The following KHDRBS2 variants were observed in gnomAD, a reference collection of about 807,000 sequenced individuals.
KHDRBS2 encodes KH RNA binding domain containing, signal transduction associated 2, also known as KH domain-containing, RNA-binding, signal transduction-associated protein 2.
Under a neutral mutation model 44.3 loss-of-function variants are expected in KHDRBS2, and 26 were observed. The ratio of observed to expected loss-of-function variants is 0.59; its 90% CI spans 0.43 to 0.81. The LOEUF (loss-of-function observed/expected upper bound fraction) is 0.81. KHDRBS2 is among the 40% of genes least tolerant of loss of function. The pLI is 0.00. For missense variants in KHDRBS2, 476 were observed against 433.1 expected, an observed-to-expected ratio of 1.10 and a Z score of -0.88; for synonymous variants, 194 against 151.1, an observed-to-expected ratio of 1.28 and a Z score of -2.08.
chr6:61,612,839 C>CT, the KHDRBS2 span, among the ~76,000 whole-genome samples: 974 of 77,422 alleles, frequency 0.013, 87 homozygotes, highest in African/African-American at 0.027. Flanking sequence ...AAAATGCAGC[C>CT]TTTTTTTTTT....
the KHDRBS2 span, among the ~76,000 whole-genome samples, chr6:61,644,439 A>G: frequency 6.6e-6 from 1 of 152,324 alleles, no homozygotes; most frequent in South Asian, 2.1e-4. Flanking sequence ...TAGTAATAAA[A>G]GCAAGAATTG....
chr6:61,601,727 C>G, the KHDRBS2 span, among the ~76,000 whole-genome samples: 2 of 151,960 alleles, frequency 1.3e-5, no homozygotes, highest in Non-Finnish European at 2.9e-5. Flanking sequence ...TCTCACCTCT[C>G]CCCTCCTCCC....
intron 4 of KHDRBS2, among the ~76,000 whole-genome samples, chr6:61,933,795 C>A (rs566309143): frequency 5.9e-5 from 9 of 152,240 alleles, no homozygotes; most frequent in Admixed American, 2.0e-4. Flanking sequence ...TATTGTTATG[C>A]AGTATATTGC....
At chr6:62,068,976 A>T (rs1584492221) in intron 2 of KHDRBS2, among the ~76,000 whole-genome samples, 2 of 151,642 alleles carry the variant, frequency 1.3e-5, no homozygotes, top group African/African-American at 4.8e-5. Context: ...TTGGCTATTT[A>T]TATTTCCATC....
At chr6:61,636,327 T>G in the KHDRBS2 span, among the ~76,000 whole-genome samples, 1 of 152,090 alleles carries the variant, frequency 6.6e-6, no homozygotes, top group South Asian at 2.1e-4. Flanking sequence ...CATTGAATTC[T>G]ATGACTCCTG....
chr6:62,128,596 C>T lies in KHDRBS2; in HGVS notation c.219+48589G>A, dbSNP rs114660016. On this transcript the variant is annotated intron_variant, in intron 2 of 8. Transcript: ENST00000281156. ...TTCCTTGAATATTCTCTTTTTATGG[C>T]GAATGTAGAAGTAACACTGTCTCTT... 2.9e-3 allele frequency among the ~76,000 whole-genome samples: 432 copies of T among 151,322 alleles called. 1 individual carries two copies. The highest frequency in any genetic ancestry group is 4.8e-3 in the Non-Finnish European group (327 of 67,762).
At chr6:62,077,747 A>C (rs73758651) in intron 2 of KHDRBS2, among the ~76,000 whole-genome samples, 3,734 of 152,164 alleles carry the variant, frequency 0.025, 164 homozygotes, top group African/African-American at 0.084. Context: ...GTCCTAACAG[A>C]CAACCTTGAC....
At chr6:61,943,719 T>C (rs552350002) in intron 4 of KHDRBS2, among the ~76,000 whole-genome samples, 2 of 152,252 alleles carry the variant, frequency 1.3e-5, no homozygotes, top group South Asian at 2.1e-4. Flanking sequence ...AGAAAACTTA[T>C]TGAATGGTAG....
chr6:62,208,679 C>T (rs1828471913), intron 1 of KHDRBS2, among the ~76,000 whole-genome samples: 1 of 152,076 alleles, frequency 6.6e-6, no homozygotes, highest in Non-Finnish European at 1.5e-5. Flanking sequence ...AATGGCTGTG[C>T]CAGTTTACAT....
chr6:62,113,660 C>CT (rs925869791), intron 2 of KHDRBS2, among the ~76,000 whole-genome samples: 1 of 151,984 alleles, frequency 6.6e-6, no homozygotes, highest in Admixed American at 6.6e-5. Flanking sequence ...TCTCTAGAGG[C>CT]TTTTTTAAAT....
chr6:62,104,707 C>G lies in KHDRBS2; in HGVS notation c.220-56713G>C, dbSNP rs180827678. On this transcript the variant is annotated intron_variant, in intron 2 of 8. Coordinates refer to ENST00000281156, the MANE Select transcript of KHDRBS2 (RefSeq NM_152688.4). Reference sequence around the variant, plus strand: ...ATAATAAAACAGAAAGTTCTCAAATCAATGACCTCAGGTTACAAATTAAGA... The same window carrying G: ...ATAATAAAACAGAAAGTTCTCAAATGAATGACCTCAGGTTACAAATTAAGA... Among the ~76,000 whole-genome samples the G allele has an allele frequency of 1.4e-3, 215 of 151,526 alleles. 2 individuals carry two copies. Among genetic ancestry groups the G allele is most frequent in the Middle Eastern group, 0.01 (3 of 290 alleles).
chr6:61,750,201 A>C lies in KHDRBS2; in HGVS notation c.811-17437T>G, dbSNP rs9451256. Among the ~76,000 whole-genome samples the C allele has an allele frequency of 8.7e-3, 1,320 of 152,326 alleles. 17 individuals carry two copies. The highest frequency in any genetic ancestry group is 0.03 in the African/African-American group (1,261 of 41,590). Reference sequence around the variant, plus strand: ...AAACAGAGATTGACAAAAGCATCAAAAGAGACAAAAGGTCATTCTTTTAAA... The same window carrying C: ...AAACAGAGATTGACAAAAGCATCAACAGAGACAAAAGGTCATTCTTTTAAA... On this transcript the variant is annotated intron_variant, in intron 6 of 8. Coordinates refer to ENST00000281156, the MANE Select transcript of KHDRBS2 (RefSeq NM_152688.4).
the KHDRBS2 span, among the ~76,000 whole-genome samples, chr6:61,650,639 A>T: frequency 6.6e-6 from 1 of 151,892 alleles, no homozygotes; most frequent in Admixed American, 6.6e-5. Context: ...CAAGGATCTA[A>T]ACAACTATGG....
the KHDRBS2 span, among the ~76,000 whole-genome samples, chr6:61,646,198 C>A: frequency 0.012 from 1,775 of 152,234 alleles, 41 homozygotes; most frequent in African/African-American, 0.041. Flanking sequence ...TTAATACTTC[C>A]ACATAATGGC....
the KHDRBS2 span, among the ~76,000 whole-genome samples, chr6:61,578,511 C>T: frequency 2.0e-5 from 3 of 152,062 alleles, no homozygotes; most frequent in South Asian, 2.1e-4. Flanking sequence ...AGCTTTCAGT[C>T]GGGTAAAATG....
intron 1 of KHDRBS2, among the ~76,000 whole-genome samples, chr6:62,261,693 C>T (rs1250741821): frequency 1.3e-5 from 2 of 151,662 alleles, no homozygotes; most frequent in African/African-American, 4.8e-5. Flanking sequence ...CTTGCTAAAT[C>T]GTATATTACC....
At chr6:61,956,943 T>TCA in intron 4 of KHDRBS2, among the ~76,000 whole-genome samples, 1 of 85,886 alleles carries the variant, frequency 1.2e-5, no homozygotes, top group African/African-American at 5.3e-5. Flanking sequence ...CATCATCATC[T>TCA]GTTGTGGGAA....
Position 62,088,246 on chromosome 6 carries a change from A to G in KHDRBS2, c.220-40252T>C, listed in dbSNP as rs1342847590. Among the ~76,000 whole-genome samples, 4 of 152,046 alleles carry G rather than the reference A, an allele frequency of 2.6e-5. No homozygotes were observed. The East Asian group carries it at 7.7e-4, about 29-fold the overall frequency. ...ATCCAGTTTTGTTCCCTTGCTGGTG[A>G]GGAGTTGTGATCTTTTGGAGGAGAA... On this transcript the variant is annotated intron_variant, in intron 2 of 8. Transcript: ENST00000281156.
intron 2 of KHDRBS2, among the ~76,000 whole-genome samples, chr6:62,067,450 A>C (rs1400437496): frequency 2.0e-5 from 3 of 151,678 alleles, no homozygotes; most frequent in Non-Finnish European, 4.4e-5. Flanking sequence ...TTAAATTGTC[A>C]TGGCTGCTAA....
Sources: gnomAD v4.1 joint callset for allele counts (sites outside exome capture counted in the v4.1 genomes callset) on GRCh38, gnomAD v4.1.1 for gene constraint, MANE v1.5 for transcripts, NCBI Gene and HGNC (gene_info 2026-07-23, HGNC 2026-07-21) for gene names.